The following DIXDC1 variants were observed in gnomAD, a reference collection of about 807,000 sequenced individuals.
The protein encoded by DIXDC1 is dixin.
DIXDC1 carries 64 observed loss-of-function variants against 103.1 expected under a neutral mutation model. The observed-to-expected ratio is 0.62, with a 90% CI of 0.51 to 0.76. The LOEUF (loss-of-function observed/expected upper bound fraction) is 0.76, where lower values mean the gene tolerates loss of function less well. Ranked by LOEUF, DIXDC1 falls within the 30% of genes least tolerant of loss-of-function variation. DIXDC1 has a pLI of 0.00. For missense variants in DIXDC1, 759 were observed against 834.2 expected (o/e 0.91, Z 1.11); for synonymous variants, 266 against 298.5 (o/e 0.89, Z 1.12).
upstream of DIXDC1, among the ~76,000 whole-genome samples, chr11:111,936,516 TA>T (rs1199413126): frequency 6.6e-6 from 1 of 152,192 alleles, no homozygotes; most frequent in African/African-American, 2.4e-5. Context: ...AGTTATTTTA[TA>T]AAGAATGAAA....
Position 112,005,082 on chromosome 11 carries a change from A to T in DIXDC1, c.1756+8936A>T, listed in dbSNP as rs1029217749. Among the ~76,000 whole-genome samples, 11 of 152,200 alleles carry T rather than the reference A, an allele frequency of 7.2e-5. 1 individual carries two copies. Among genetic ancestry groups the T allele is most frequent in the African/African-American group, 2.7e-4 (11 of 41,438 alleles). ...TCGAAACCATCAGACAAGGAATTTA[A>T]AGTAACTGATTCATATGTTAAAGGC... On this transcript the variant is annotated intron_variant, in intron 17 of 19. Coordinates refer to ENST00000440460, the MANE Select transcript of DIXDC1 (RefSeq NM_001037954.4).
In DIXDC1 at chr11:111,998,340, C is replaced by T. The variant is rs1860965416; in HGVS notation, c.1756+2194C>T. 6.6e-6 allele frequency among the ~76,000 whole-genome samples: 1 copy of T among 152,138 alleles called. No individual in the cohort carries two copies. The highest frequency in any genetic ancestry group is 1.5e-5 in the Non-Finnish European group (1 of 68,032). On this transcript the variant is annotated intron_variant, in intron 17 of 19. Coordinates refer to ENST00000440460, the MANE Select transcript of DIXDC1 (RefSeq NM_001037954.4). This position sits in a 1 kb window ranked among gnomAD's most constrained non-coding sequence, Gnocchi z 4.1. ...TTTCCTTCTAGTCCCTCTTGAATCT[C>T]CTTTTATTCTGCTCTAATTCTTGAA... is the stretch of plus-strand genomic sequence containing the variant.
At chr11:111,963,237 G>A (rs1248903998) in intron 1 of DIXDC1, among the ~76,000 whole-genome samples, 2 of 152,132 alleles carry the variant, frequency 1.3e-5, no homozygotes, top group Non-Finnish European at 2.9e-5. Context: ...CCTGGCCCAG[G>A]TACCTTCACT....
chr11:112,013,602 CTCAG>C (rs1285700857), intron 17 of DIXDC1, among the ~76,000 whole-genome samples: 3 of 152,112 alleles, frequency 2.0e-5, no homozygotes, highest in African/African-American at 7.2e-5. Context: ...GGTTGTAAAT[CTCAG>C]TCATTGTTTA....
At chr11:111,999,642 A>G (rs1861005053) in intron 17 of DIXDC1, among the ~76,000 whole-genome samples, 1 of 152,170 alleles carries the variant, frequency 6.6e-6, no homozygotes, top group African/African-American at 2.4e-5. Flanking sequence ...ATGTGGGTGT[A>G]TCACCTGAGG....
upstream of DIXDC1, among the ~76,000 whole-genome samples, chr11:111,932,562 G>A (rs1555167771): frequency 1.3e-5 from 2 of 150,262 alleles, no homozygotes; most frequent in African/African-American, 4.9e-5. Flanking sequence ...CTCCAGCTTG[G>A]GCGACAGAAG....
chr11:111,951,983 A>C (rs954349771), intron 1 of DIXDC1, among the ~76,000 whole-genome samples: 1 of 151,450 alleles, frequency 6.6e-6, no homozygotes, highest in African/African-American at 2.4e-5. Context: ...CTCCTACCTC[A>C]GCCTCCTGAG....
intron 2 of DIXDC1, among the ~76,000 whole-genome samples, chr11:111,932,026 CCTT>C (rs1966035876): frequency 7.3e-6 from 1 of 137,880 alleles, no homozygotes; most frequent in Non-Finnish European, 1.5e-5. Flanking sequence ...TGGCAGATAA[CCTT>C]TTTTTTTTTT....
chr11:111,950,438 ATTTTTTTTTTTTTTTT>A (rs59473485), intron 1 of DIXDC1, among the ~76,000 whole-genome samples: 22 of 15,138 alleles, frequency 1.5e-3, no homozygotes, highest in African/African-American at 5.0e-3. Context: ...ATATATATAT[ATTTTTTTTTTTTTTTT>A]TTTTTTTTTT....
chr11:111,982,637 A>T, intron 7 of DIXDC1, 150 bp downstream of exon 7: 1 of 852,592 alleles, frequency 1.2e-6, no homozygotes, highest in East Asian at 2.7e-5. Flanking sequence ...AGAGCAGAAA[A>T]TTCCTTATAT....
At chr11:111,961,051 C>T (rs1859559645) in intron 1 of DIXDC1, among the ~76,000 whole-genome samples, 1 of 152,204 alleles carries the variant, frequency 6.6e-6, no homozygotes, top group African/African-American at 2.4e-5. Flanking sequence ...CTCATGCTTT[C>T]ATGTGCATAT....
chr11:111,988,853 C>A, intron 9 of DIXDC1, 152 bp from the exon 10 acceptor site: 1 of 616,724 alleles, frequency 1.6e-6, no homozygotes. Flanking sequence ...GCCTGTACTG[C>A]TCACTGAACC....
chr11:111,972,540 C>G (rs1415732319), intron 3 of DIXDC1, among the ~76,000 whole-genome samples: 1 of 152,204 alleles, frequency 6.6e-6, no homozygotes, highest in Non-Finnish European at 1.5e-5. Flanking sequence ...TCCTCCGTAT[C>G]TGAGGACCCT....
At chr11:112,007,469 A>G (rs1413420854) in intron 17 of DIXDC1, among the ~76,000 whole-genome samples, 1 of 147,572 alleles carries the variant, frequency 6.8e-6, no homozygotes. Flanking sequence ...CCACAAAGAT[A>G]CTCCTCAAGA....
Position 112,020,330 on chromosome 11 carries a change from G to A in DIXDC1, c.*1294G>A, listed in dbSNP as rs1253107455. The A allele has an allele frequency of 2.0e-5, 3 of 152,632 alleles. No individual in the cohort carries two copies. Among genetic ancestry groups the A allele is most frequent in the African/African-American group, 7.2e-5 (3 of 41,458 alleles). 9.5% of individuals were successfully genotyped at this position (152,632 alleles called of 1,614,324 possible). A position where few individuals can be genotyped will look rare whatever the true frequency, so the allele number is the denominator to read the frequency against. On this transcript the variant is annotated 3_prime_UTR_variant, in exon 20 of 20. Coordinates refer to ENST00000440460, the MANE Select transcript of DIXDC1 (RefSeq NM_001037954.4). ...CCAATGTACACTGCCAAACACAAGA[G>A]TAGGACACATCTGTTCTGGGTTCTT... is the stretch of plus-strand genomic sequence containing the variant.
Position 111,977,441 on chromosome 11 carries a change from G to T in DIXDC1, c.656+2458G>T. 8.1e-7 allele frequency: 1 copy of T among 1,228,086 alleles called. No individual in the cohort carries two copies. The highest frequency in any genetic ancestry group is 1.0e-6 in the Non-Finnish European group (1 of 981,760). The allele number at this position is 1,228,086 out of a possible 1,614,324, so 76.1% of individuals were successfully genotyped here. A position where few individuals can be genotyped will look rare whatever the true frequency, so the allele number is the denominator to read the frequency against. On this transcript the variant is annotated intron_variant, in intron 5 of 19. Coordinates refer to ENST00000440460, the MANE Select transcript of DIXDC1 (RefSeq NM_001037954.4). This position sits in a 1 kb window ranked among gnomAD's most constrained non-coding sequence, Gnocchi z 6.1. ...GGGGGATGCCCGGCACCGTGCGTCCGCGGAGGCCAAGATGCAGCGGCCAGG... is the reference window on the plus strand; with the variant it reads ...GGGGGATGCCCGGCACCGTGCGTCCTCGGAGGCCAAGATGCAGCGGCCAGG...
intron 19 of DIXDC1, among the ~76,000 whole-genome samples, chr11:112,018,294 GTT>G (rs1441727079): frequency 2.0e-5 from 3 of 152,180 alleles, no homozygotes; most frequent in Admixed American, 1.3e-4. Context: ...CTTCTAGGGA[GTT>G]ATGTATGCTT....
At chr11:111,935,994 G>C (rs1230004452), upstream of DIXDC1, among the ~76,000 whole-genome samples, 1 of 152,150 alleles carries the variant, frequency 6.6e-6, no homozygotes, top group Non-Finnish European at 1.5e-5. Context: ...GGCTGCTCTT[G>C]GTGGATTTTC....
At chr11:111,928,192 TG>T in intron 1 of DIXDC1, among the ~76,000 whole-genome samples, 2 of 152,002 alleles carry the variant, frequency 1.3e-5, no homozygotes, top group African/African-American at 4.8e-5. Context: ...TCAGAAAAGG[TG>T]GGTTGGAGGA....
Sources: allele counts gnomAD v4.1 joint callset (sites outside exome capture counted in the v4.1 genomes callset), GRCh38; gene constraint gnomAD v4.1.1; non-coding constraint Gnocchi (gnomAD v3.1); transcripts MANE v1.5; gene names NCBI Gene and HGNC (gene_info 2026-07-23, HGNC 2026-07-21).